RBFOX1: variants seen among roughly 807,000 people sequenced by gnomAD.
RBFOX1 encodes the protein RNA binding fox-1 homolog 1.
In RBFOX1, 8 loss-of-function variants were observed where a neutral mutation model predicts 57.7. The ratio of observed to expected loss-of-function variants is 0.14; its 90% CI spans 0.08 to 0.25. The LOEUF (loss-of-function observed/expected upper bound fraction) is 0.25. Among genes scored for constraint, RBFOX1 ranks in the 10% least tolerant of loss-of-function variants. The probability of loss-of-function intolerance (pLI) is 1.00; values close to 1 mark genes in which losing one functional copy is unlikely to be tolerated. For missense variants in RBFOX1, 611 were observed against 548.5 expected (o/e 1.11, Z -1.14); for synonymous variants, 326 against 222.4 (o/e 1.47, Z -4.15).
chr16:5,406,076 C>A (rs34055573), intron 1 of RBFOX1, among the ~76,000 whole-genome samples: 1 of 152,084 alleles, frequency 6.6e-6, no homozygotes, highest in African/African-American at 2.4e-5. Flanking sequence ...CAAAGGCATT[C>A]CAACTTATGT....
intron 1 of RBFOX1, among the ~76,000 whole-genome samples, chr16:5,443,531 G>A (rs2068149668): frequency 6.6e-6 from 1 of 152,082 alleles, no homozygotes; most frequent in Admixed American, 6.6e-5. Context: ...ATAAAGATGG[G>A]GTTTCCCTGT....
intron 3 of RBFOX1, among the ~76,000 whole-genome samples, chr16:5,623,339 A>G (rs1156577897): frequency 6.6e-6 from 1 of 152,142 alleles, no homozygotes; most frequent in Admixed American, 6.5e-5. Flanking sequence ...CAGTTCCTCA[A>G]AATGCATTTT....
chr16:7,225,904 A>AT, intron 4 of RBFOX1, among the ~76,000 whole-genome samples: 1 of 93,658 alleles, frequency 1.1e-5, no homozygotes, highest in Non-Finnish European at 2.1e-5. Flanking sequence ...AAAGTATAAT[A>AT]AATATATATA....
intron 3 of RBFOX1, among the ~76,000 whole-genome samples, chr16:5,624,657 C>T (rs2048297578): frequency 6.6e-6 from 1 of 152,228 alleles, no homozygotes; most frequent in Non-Finnish European, 1.5e-5. Flanking sequence ...TTCCGACTGC[C>T]AGCCACTAGC....
chr16:5,857,961 G>A (rs372569715), intron 3 of RBFOX1, among the ~76,000 whole-genome samples: 1 of 152,042 alleles, frequency 6.6e-6, no homozygotes, highest in South Asian at 2.1e-4. Flanking sequence ...AATAAAAAAA[G>A]AAATGTTATA....
Position 5,255,457 on chromosome 16 carries a change from T to G in RBFOX1, c.219+15352T>G, listed in dbSNP as rs142963284. Among the ~76,000 whole-genome samples, 230 of 148,256 alleles carry G rather than the reference T, an allele frequency of 1.6e-3. 1 individual carries two copies. The highest frequency in any genetic ancestry group is 5.5e-3 in the African/African-American group (220 of 40,258). On this transcript the variant is annotated intron_variant, in intron 1 of 2. Coordinates refer to the RBFOX1 transcript ENST00000585867. ...CCATCTATCCATCCAATCCACTCTCTTGTGCACCCAGCTATCATCCACCTA... is the reference window on the plus strand; with the variant it reads ...CCATCTATCCATCCAATCCACTCTCGTGTGCACCCAGCTATCATCCACCTA...
chr16:7,581,673 T>C (rs984790558), intron 6 of RBFOX1, among the ~76,000 whole-genome samples: 2 of 152,040 alleles, frequency 1.3e-5, no homozygotes, highest in Non-Finnish European at 1.5e-5. Flanking sequence ...TGCCAAAAAA[T>C]TGTACTACCG....
intron 3 of RBFOX1, among the ~76,000 whole-genome samples, chr16:6,727,112 A>ATG (rs1429708993): frequency 3.1e-4 from 11 of 34,938 alleles, no homozygotes; most frequent in African/African-American, 4.4e-4. Context: ...ACATAAATAT[A>ATG]TGTGTGTGTG....
At chr16:7,454,938 C>G (rs9925664) in intron 4 of RBFOX1, among the ~76,000 whole-genome samples, 57,129 of 152,096 alleles carry the variant, frequency 0.38, 11,399 homozygotes, top group Non-Finnish European at 0.45. Flanking sequence ...GGGCCAACCC[C>G]TTTTCCCAGC....
chr16:7,389,107 A>G (rs183509876), intron 4 of RBFOX1, among the ~76,000 whole-genome samples: 168 of 152,120 alleles, frequency 1.1e-3, no homozygotes, highest in African/African-American at 3.7e-3. Context: ...AAGTTGGTCT[A>G]TTTCTTTGTT....
rs947755783 is a variant in RBFOX1 at position 7,333,131 on chromosome 16, G to T, written c.28-185016G>T. On this transcript the variant is annotated intron_variant, in intron 4 of 15. Transcript: ENST00000550418. Reference sequence around the variant, plus strand: ...CCAGCCAGCAACTTAACTCCAGAGTGCTCAGAGTAATAATTGGAATTTTTA... The same window carrying T: ...CCAGCCAGCAACTTAACTCCAGAGTTCTCAGAGTAATAATTGGAATTTTTA... 4 of 1,564,352 alleles carry T rather than the reference G, an allele frequency of 2.6e-6. No individual in the cohort carries two copies. The African/African-American group carries it at 4.1e-5, about 16-fold the overall frequency.
chr16:7,126,266 G>A lies in RBFOX1; in HGVS notation c.27+74168G>A, dbSNP rs1391972433. 4.5e-5 allele frequency: 13 copies of A among 292,046 alleles called. No homozygotes were observed. The East Asian group carries it at 1.3e-3, about 28-fold the overall frequency. 18.1% of individuals were successfully genotyped at this position (292,046 alleles called of 1,614,324 possible). ...TTTATTTTTCTCCAGAGTATCGTGT[G>A]TCTTCAGTCTTGAAGGACTCAGCTC... is the stretch of plus-strand genomic sequence containing the variant. On this transcript the variant is annotated intron_variant, in intron 4 of 15. Transcript: ENST00000550418.
intron 1 of RBFOX1, among the ~76,000 whole-genome samples, chr16:6,054,039 A>C (rs1167398310): frequency 6.6e-6 from 1 of 151,994 alleles, no homozygotes; most frequent in East Asian, 1.9e-4. Context: ...ACAGAATGAG[A>C]CCCTGTTTCA....
intron 2 of RBFOX1, among the ~76,000 whole-genome samples, chr16:6,402,242 C>T (rs1280552368): frequency 1.3e-5 from 2 of 152,154 alleles, no homozygotes; most frequent in Non-Finnish European, 2.9e-5. Context: ...CCCTGACATT[C>T]ATCCCCACCC....
At chr16:6,244,031 T>G (rs185807953) in intron 1 of RBFOX1, among the ~76,000 whole-genome samples, 255 of 152,318 alleles carry the variant, frequency 1.7e-3, no homozygotes, top group Non-Finnish European at 2.6e-3. Flanking sequence ...CTTAGAGCCG[T>G]GAGTGATGCA....
At chr16:7,421,017 A>G (rs1375194016) in intron 4 of RBFOX1, among the ~76,000 whole-genome samples, 3 of 151,546 alleles carry the variant, frequency 2.0e-5, no homozygotes, top group Non-Finnish European at 4.4e-5. Flanking sequence ...GTGGGAGGCG[A>G]AATTGTGACG....
At chr16:6,464,345 G>A (rs573076052) in intron 2 of RBFOX1, among the ~76,000 whole-genome samples, 14 of 152,258 alleles carry the variant, frequency 9.2e-5, no homozygotes, top group African/African-American at 2.6e-4. Context: ...GCTTTTATCA[G>A]CAATGCTTTT....
intron 1 of RBFOX1, among the ~76,000 whole-genome samples, chr16:6,179,457 G>A (rs2097044731): frequency 6.6e-6 from 1 of 152,130 alleles, no homozygotes; most frequent in South Asian, 2.1e-4. Flanking sequence ...CCCATGTTGG[G>A]ACTCTCTGAT....
rs114638022 is a variant in RBFOX1, at chr16:5,419,835, G to A, written c.220-47381G>A. Among the ~76,000 whole-genome samples the A allele has an allele frequency of 4.5e-3, 680 of 152,232 alleles. 5 individuals carry two copies. The highest frequency in any genetic ancestry group is 0.015 in the African/African-American group (641 of 41,514). On this transcript the variant is annotated intron_variant, in intron 1 of 2. Transcript: ENST00000585867. Reference sequence around the variant, plus strand: ...AGTGCTGCTGTGGTTTGAAGATGGAGAAGGAGTGTGGGTGGCCCGTAGGAG... The same window carrying A: ...AGTGCTGCTGTGGTTTGAAGATGGAAAAGGAGTGTGGGTGGCCCGTAGGAG...
Sources: gnomAD v4.1 joint callset for allele counts (sites outside exome capture counted in the v4.1 genomes callset) on GRCh38, gnomAD v4.1.1 for gene constraint, MANE v1.5 for transcripts, NCBI Gene and HGNC (gene_info 2026-07-23, HGNC 2026-07-21) for gene names.